PCLO: variants seen among roughly 807,000 people sequenced by gnomAD.
PCLO encodes the protein piccolo presynaptic cytomatrix protein.
In PCLO, 82 loss-of-function variants were observed where a neutral mutation model predicts 427.5. That is an observed-to-expected ratio of 0.19 (90% CI 0.16 to 0.23). The LOEUF (loss-of-function observed/expected upper bound fraction) is 0.23, where lower values mean the gene tolerates loss of function less well. Ranked by LOEUF, PCLO falls within the 10% of genes least tolerant of loss-of-function variation. The pLI is 1.00. For missense variants in PCLO, 6,239 were observed against 6,115.9 expected, an observed-to-expected ratio of 1.02 and a Z score of -0.67; for synonymous variants, 2,357 against 2,155.4, an observed-to-expected ratio of 1.09 and a Z score of -2.59.
At chr7:83,004,768 A>G (rs1249210691) in intron 3 of PCLO, among the ~76,000 whole-genome samples, 3 of 151,724 alleles carry the variant, frequency 2.0e-5, no homozygotes, top group Admixed American at 6.6e-5. Context: ...TTTGAAAAAC[A>G]TATATCTGAT....
At chr7:82,884,595 T>C (rs1249104285) in intron 9 of PCLO, among the ~76,000 whole-genome samples, 2 of 152,166 alleles carry the variant, frequency 1.3e-5, no homozygotes, top group Non-Finnish European at 1.5e-5. Flanking sequence ...AAAGACTAAA[T>C]CTGAAGGGTT....
At chr7:82,794,455 TTTTC>T (rs1208488909) in intron 22 of PCLO, among the ~76,000 whole-genome samples, 32 of 92,834 alleles carry the variant, frequency 3.4e-4, no homozygotes, top group East Asian at 2.0e-3. Context: ...CATAAATTTT[TTTTC>T]TTTTTTTTTT....
At chr7:83,124,869 C>T (rs901123028) in intron 3 of PCLO, among the ~76,000 whole-genome samples, 2 of 152,108 alleles carry the variant, frequency 1.3e-5, no homozygotes, top group African/African-American at 2.4e-5. Context: ...ATTCTCCTGC[C>T]TCAGCCTGCC....
At chr7:82,940,755 C>CTTTTTT (rs71531190) in intron 6 of PCLO, among the ~76,000 whole-genome samples, 111 of 109,120 alleles carry the variant, frequency 1.0e-3, no homozygotes, top group Middle Eastern at 6.3e-3. Context: ...TTTTTTCTTT[C>CTTTTTT]TTTTTTTTTT....
rs926967625 is a variant in PCLO, at chr7:82,766,509, G to A, written c.15008-5016C>T. ...CTCCTCAATCTCTCAAACCATACCT[G>A]GGAGGGAAGGAAAAAGAGGTTTCTA... On this transcript the variant is annotated intron_variant, in intron 22 of 24. Transcript: ENST00000333891. Among the ~76,000 whole-genome samples the A allele has an allele frequency of 6.6e-5, 10 of 152,086 alleles. No individual in the cohort carries two copies. The East Asian group carries it at 1.2e-3, about 18-fold the overall frequency.
chr7:82,935,641 C>T (rs1287322407), intron 6 of PCLO, among the ~76,000 whole-genome samples: 1 of 151,562 alleles, frequency 6.6e-6, no homozygotes. Context: ...AATGGGTAAG[C>T]TATCAATTAT....
At chr7:82,887,252 C>T (rs73710063) in intron 9 of PCLO, among the ~76,000 whole-genome samples, 2,111 of 152,224 alleles carry the variant, frequency 0.014, 54 homozygotes, top group African/African-American at 0.048. Flanking sequence ...GAGAACTCAT[C>T]GTTTTTCTCT....
At chr7:83,059,357 A>AAAAAAT (rs1332566491) in intron 3 of PCLO, among the ~76,000 whole-genome samples, 312 of 111,798 alleles carry the variant, frequency 2.8e-3, no homozygotes, top group Middle Eastern at 4.6e-3. Flanking sequence ...ACACCTTTAA[A>AAAAAAT]ATATATATAT....
chr7:82,978,034 T>A (rs1022018508), intron 3 of PCLO, among the ~76,000 whole-genome samples: 4 of 152,088 alleles, frequency 2.6e-5, no homozygotes, highest in Non-Finnish European at 5.9e-5. Flanking sequence ...AATTAAAGTT[T>A]TAGTACCATT....
rs1790321189 is a variant in PCLO at position 82,756,495 on chromosome 7, A to G, written c.*2080T>C. The stretch of plus-strand genomic sequence containing the variant: ...AATAGAGGGAAGAAAAGTTATGGTT[A>G]TCTTTCTCAGTTTGGGGAAGATCGA... On this transcript the variant is annotated 3_prime_UTR_variant, in exon 25 of 25. Coordinates refer to ENST00000333891, the MANE Select transcript of PCLO (RefSeq NM_033026.6). 6.6e-6 allele frequency: 1 copy of G among 151,902 alleles called. No homozygotes were observed. Among genetic ancestry groups the G allele is most frequent in the South Asian group, 2.1e-4 (1 of 4,826 alleles). The allele number at this position is 151,902 out of a possible 1,614,324, so 9.4% of individuals were successfully genotyped here.
At chr7:83,016,177 GGACT>G (rs1439131483) in intron 3 of PCLO, among the ~76,000 whole-genome samples, 2 of 151,944 alleles carry the variant, frequency 1.3e-5, no homozygotes, top group African/African-American at 2.4e-5. Flanking sequence ...AACAACAGAT[GGACT>G]GACTAAGAAT....
intron 10 of PCLO, among the ~76,000 whole-genome samples, chr7:82,874,728 ATAAT>A (rs1238422402): frequency 1.3e-5 from 2 of 152,166 alleles, no homozygotes; most frequent in African/African-American, 2.4e-5. Flanking sequence ...AAGGTATATA[ATAAT>A]TAATCTAGGG....
chr7:82,892,232 T>C (rs921191426), intron 9 of PCLO, among the ~76,000 whole-genome samples: 6 of 152,034 alleles, frequency 3.9e-5, no homozygotes, highest in African/African-American at 1.2e-4. Context: ...AACAGAGATA[T>C]AGATCAATGT....
intron 9 of PCLO, chr7:82,880,288 C>G (rs1793474152): frequency 7.4e-6 from 2 of 270,440 alleles, no homozygotes; most frequent in Admixed American, 4.2e-5. Flanking sequence ...CATCACTGAC[C>G]AAAACATTAT....
At chr7:82,793,909 A>G (rs1050294687) in intron 22 of PCLO, among the ~76,000 whole-genome samples, 11 of 152,208 alleles carry the variant, frequency 7.2e-5, no homozygotes, top group African/African-American at 2.7e-4. Flanking sequence ...TTCCTGAGAT[A>G]GGTAGCATGG....
intron 6 of PCLO, among the ~76,000 whole-genome samples, chr7:82,938,964 T>A (rs2116371863): frequency 6.6e-6 from 1 of 152,122 alleles, no homozygotes; most frequent in African/African-American, 2.4e-5. Context: ...TCTTAAAACG[T>A]AAATGTAAAT....
intron 22 of PCLO, among the ~76,000 whole-genome samples, chr7:82,789,284 G>C (rs1281640550): frequency 6.6e-6 from 1 of 152,140 alleles, no homozygotes; most frequent in East Asian, 1.9e-4. Context: ...GTAAAAAATA[G>C]TTGAATCAAT....
At chr7:82,994,921 C>G (rs13237672) in intron 3 of PCLO, among the ~76,000 whole-genome samples, 16,829 of 151,878 alleles carry the variant, frequency 0.11, 1,269 homozygotes, top group Non-Finnish European at 0.16. Flanking sequence ...AAAGATTATT[C>G]TGTAATTACT....
At chr7:82,998,864 T>C (rs1001141923) in intron 3 of PCLO, among the ~76,000 whole-genome samples, 2 of 151,870 alleles carry the variant, frequency 1.3e-5, no homozygotes, top group African/African-American at 4.8e-5. Flanking sequence ...CATGGCAGAA[T>C]GTTGCAATGA....
Sources: gnomAD v4.1 joint callset for allele counts (sites outside exome capture counted in the v4.1 genomes callset) on GRCh38, gnomAD v4.1.1 for gene constraint, MANE v1.5 for transcripts, NCBI Gene and HGNC (gene_info 2026-07-23, HGNC 2026-07-21) for gene names.